The following METTL24 variants were observed in gnomAD, a reference collection of about 807,000 sequenced individuals.
METTL24 encodes methyltransferase like 24, also known as probable methyltransferase-like protein 24.
METTL24 carries 29 observed loss-of-function variants against 32.7 expected under a neutral mutation model. That is an observed-to-expected ratio of 0.89 (90% confidence interval 0.66 to 1.21). METTL24 has a LOEUF of 1.21. Among genes scored for constraint, METTL24 ranks in the 50% most tolerant of loss-of-function variants. METTL24 has a pLI of 0.00. For synonymous variants in METTL24, 163 were observed against 179.5 expected (o/e 0.91, Z 0.73); for missense variants, 439 against 468.1 (o/e 0.94, Z 0.57).
intron 3 of METTL24, among the ~76,000 whole-genome samples, chr6:110,306,030 A>G (rs1271692615): frequency 6.6e-6 from 1 of 152,174 alleles, no homozygotes; most frequent in Non-Finnish European, 1.5e-5. Context: ...TTGCAGGGAC[A>G]TGGATGAAGC....
intron 4 of METTL24, among the ~76,000 whole-genome samples, chr6:110,249,374 T>C (rs1273664258): frequency 6.6e-6 from 1 of 151,910 alleles, no homozygotes; most frequent in Non-Finnish European, 1.5e-5. Context: ...TTGATTCCAG[T>C]GACTGAAAAT....
At chr6:110,265,173 GAAAGAAAGAA>G (rs1770831801) in intron 4 of METTL24, among the ~76,000 whole-genome samples, 2 of 148,006 alleles carry the variant, frequency 1.4e-5, no homozygotes, top group South Asian at 2.1e-4. Context: ...AAGAAAGAAA[GAAAGAAAGAA>G]AGAAAGAAAG....
chr6:110,285,724 T>C (rs889677554), intron 4 of METTL24, among the ~76,000 whole-genome samples: 2 of 152,184 alleles, frequency 1.3e-5, no homozygotes, highest in Non-Finnish European at 2.9e-5. Flanking sequence ...TACAGACCCA[T>C]TGTCTCCTTT....
At chr6:110,318,148 C>G (rs6930945) in intron 2 of METTL24, among the ~76,000 whole-genome samples, 44,118 of 152,148 alleles carry the variant, frequency 0.29, 11,766 homozygotes, top group African/African-American at 0.71. Context: ...TGAAGATCCG[C>G]AGTGAGGGCT....
chr6:110,281,215 C>G (rs9487338), intron 4 of METTL24, among the ~76,000 whole-genome samples: 59 of 151,990 alleles, frequency 3.9e-4, no homozygotes, highest in African/African-American at 1.3e-3. Context: ...ATGATTAAAG[C>G]TAAATAAGAT....
At chr6:110,271,244 T>G (rs985728134) in intron 4 of METTL24, among the ~76,000 whole-genome samples, 1 of 152,134 alleles carries the variant, frequency 6.6e-6, no homozygotes, top group East Asian at 1.9e-4. Flanking sequence ...AATAAGTTCA[T>G]GCAGAAGACA....
intron 1 of METTL24, among the ~76,000 whole-genome samples, chr6:110,325,472 T>G (rs1488004781): frequency 6.6e-6 from 1 of 152,202 alleles, no homozygotes; most frequent in Non-Finnish European, 1.5e-5. Context: ...TGTAGTTTGC[T>G]GACTCCTGCT....
intron 1 of METTL24, among the ~76,000 whole-genome samples, chr6:110,348,667 T>C (rs963826931): frequency 1.3e-5 from 2 of 152,272 alleles, no homozygotes; most frequent in Non-Finnish European, 2.9e-5. Flanking sequence ...GAAAACATGT[T>C]TGGAGGTCGT....
intron 4 of METTL24, among the ~76,000 whole-genome samples, chr6:110,252,810 C>T (rs1205890167): frequency 6.6e-6 from 1 of 152,148 alleles, no homozygotes; most frequent in Non-Finnish European, 1.5e-5. Flanking sequence ...CTTGACACCC[C>T]CACCACTGAG....
At chr6:110,346,086 C>G (rs910123975) in intron 1 of METTL24, among the ~76,000 whole-genome samples, 3 of 152,178 alleles carry the variant, frequency 2.0e-5, no homozygotes, top group African/African-American at 7.2e-5. Flanking sequence ...TTACCTGAAG[C>G]AAAGTGAATG....
At chr6:110,255,248 G>C (rs1293403236) in intron 4 of METTL24, among the ~76,000 whole-genome samples, 16 of 152,180 alleles carry the variant, frequency 1.1e-4, no homozygotes, top group Non-Finnish European at 7.4e-5. Context: ...AAAAGGAAAT[G>C]AGGAAAACAT....
intron 1 of METTL24, among the ~76,000 whole-genome samples, chr6:110,327,346 T>C (rs1023343111): frequency 6.6e-6 from 1 of 152,222 alleles, no homozygotes; most frequent in South Asian, 2.1e-4. Context: ...TAAATCAATA[T>C]GGTGAAACTA....
intron 1 of METTL24, among the ~76,000 whole-genome samples, chr6:110,348,214 T>C (rs1211795435): frequency 6.6e-6 from 1 of 152,182 alleles, no homozygotes; most frequent in African/African-American, 2.4e-5. Context: ...GTGAGTTAAG[T>C]ATTAGTAACT....
chr6:110,311,796 A>G (rs1467336000), intron 3 of METTL24, among the ~76,000 whole-genome samples: 1 of 152,140 alleles, frequency 6.6e-6, no homozygotes, highest in South Asian at 2.1e-4. Context: ...CCTGGCCCCA[A>G]AGTTAATTTT....
chr6:110,290,892 T>C (rs895245726), intron 4 of METTL24, among the ~76,000 whole-genome samples: 1 of 152,230 alleles, frequency 6.6e-6, no homozygotes, highest in Non-Finnish European at 1.5e-5. Flanking sequence ...TTTTAAATTT[T>C]AGCCATTTTG....
intron 3 of METTL24, among the ~76,000 whole-genome samples, chr6:110,302,488 CATATGTGTATATAT>C (rs1771537483): frequency 1.9e-5 from 2 of 103,598 alleles, no homozygotes; most frequent in East Asian, 2.6e-4. Context: ...CATATACACA[CATATGTGTATATAT>C]ACACATATAC....
chr6:110,291,018 G>A (rs1334532396), intron 4 of METTL24, among the ~76,000 whole-genome samples: 1 of 152,098 alleles, frequency 6.6e-6, no homozygotes, highest in Non-Finnish European at 1.5e-5. Context: ...TTGGTGGGGT[G>A]CCAGTTTAAC....
intron 3 of METTL24, among the ~76,000 whole-genome samples, chr6:110,305,280 G>A (rs549013734): frequency 6.2e-4 from 95 of 152,140 alleles, no homozygotes; most frequent in Middle Eastern, 3.4e-3. Context: ...AAGCCTTCAT[G>A]ACTAAAACAC....
intron 4 of METTL24, among the ~76,000 whole-genome samples, chr6:110,260,166 C>G (rs150124087): frequency 6.6e-6 from 1 of 152,102 alleles, no homozygotes; most frequent in Non-Finnish European, 1.5e-5. Flanking sequence ...CAAACTTCTC[C>G]GAACTAAAGG....
Sources: allele counts gnomAD v4.1 joint callset (sites outside exome capture counted in the v4.1 genomes callset), GRCh38; gene constraint gnomAD v4.1.1; transcripts MANE v1.5; gene names NCBI Gene and HGNC (gene_info 2026-07-23, HGNC 2026-07-21).